Variants in HMBOX1 observed in about 807,000 individuals in gnomAD.
The protein encoded by HMBOX1 is homeobox containing 1.
Under a neutral mutation model 54.5 loss-of-function variants are expected in HMBOX1, and 14 were observed. The ratio of observed to expected loss-of-function variants is 0.26; its 90% confidence interval spans 0.17 to 0.40. The LOEUF (loss-of-function observed/expected upper bound fraction) is 0.40. HMBOX1 is among the 10% of genes least tolerant of loss of function. The pLI is 1.00. For synonymous variants in HMBOX1, 160 were observed against 181.0 expected (o/e 0.88, Z 0.93); for missense variants, 332 against 514.4 (o/e 0.65, Z 3.43).
At chr8:29,009,523 C>CTTTTTTTTT (rs10706846) in intron 5 of HMBOX1, 2 of 451,982 alleles carry the variant, frequency 4.4e-6, no homozygotes, top group East Asian at 2.5e-4. Context: ...TTCCGTATCT[C>CTTTTTTTTT]TTTTTTTTTT....
intron 6 of HMBOX1, among the ~76,000 whole-genome samples, chr8:29,023,416 T>C (rs541519652): frequency 6.6e-6 from 1 of 152,304 alleles, no homozygotes; most frequent in African/African-American, 2.4e-5. Context: ...CTCCCTTCCC[T>C]TTTTGAGACA....
rs143482024 is a variant in HMBOX1 at position 28,980,846 on chromosome 8, C to T, written c.586+690C>T. ...TTAAAAAAAGTAACTGGGCATTAGT[C>T]GTTAGAAGAACCGGACACTCTTTTC... On this transcript the variant is annotated intron_variant, in intron 4 of 9. Transcript: ENST00000287701. Among the ~76,000 whole-genome samples the T allele has an allele frequency of 1.5e-4, 23 of 152,120 alleles. No homozygotes were observed. In the East Asian group the frequency reaches 4.3e-3, roughly 28 times the overall value.
intron 1 of HMBOX1, among the ~76,000 whole-genome samples, chr8:28,897,524 A>G (rs973336552): frequency 6.6e-6 from 1 of 152,094 alleles, no homozygotes; most frequent in African/African-American, 2.4e-5. Flanking sequence ...AAAATACAAA[A>G]ATATAGCCGG....
chr8:28,949,172 T>C (rs898378246), intron 1 of HMBOX1, among the ~76,000 whole-genome samples: 3 of 152,238 alleles, frequency 2.0e-5, no homozygotes, highest in African/African-American at 7.2e-5. Context: ...TTATTTATGA[T>C]GATGATAGGA....
intron 1 of HMBOX1, among the ~76,000 whole-genome samples, chr8:28,956,620 A>G (rs547915215): frequency 1.3e-5 from 2 of 152,266 alleles, no homozygotes; most frequent in African/African-American, 4.8e-5. Context: ...ACATTGTGCC[A>G]TATGTGCTGT....
At chr8:28,951,745 C>G (rs566253807) in intron 1 of HMBOX1, among the ~76,000 whole-genome samples, 3 of 152,120 alleles carry the variant, frequency 2.0e-5, no homozygotes, top group African/African-American at 7.2e-5. Context: ...AAAATATAGG[C>G]CCAGAGAATT....
rs541321025 is a variant in HMBOX1 at position 28,894,119 on chromosome 8, A to G, written c.-58+3441A>G. On this transcript the variant is annotated intron_variant, in intron 1 of 9. Coordinates refer to ENST00000287701, the MANE Select transcript of HMBOX1 (RefSeq NM_001135726.3). ...TTTAGTTCTTTGGCTTCTGGAATTA[A>G]TTTTGTAGCTCACTTTGCTATTCTT... Among the ~76,000 whole-genome samples, 6 of 152,282 alleles carry G rather than the reference A, an allele frequency of 3.9e-5. No individual in the cohort carries two copies. In the East Asian group the frequency reaches 1.2e-3, roughly 29 times the overall value.
rs2133310793 is a variant in HMBOX1 at position 29,041,575 on chromosome 8, A to G, written c.852-3786A>G. ...ATACAAGATGAAAGATATGTAAGAG[A>G]GGAACAGATGAAGTGCGGTGGGATT... On this transcript the variant is annotated intron_variant, in intron 6 of 9. Transcript: ENST00000287701. 2.0e-5 allele frequency among the ~76,000 whole-genome samples: 3 copies of G among 152,270 alleles called. 1 individual carries two copies. The highest frequency in any genetic ancestry group is 7.2e-5 in the African/African-American group (3 of 41,538).
intron 1 of HMBOX1, among the ~76,000 whole-genome samples, chr8:28,943,675 T>C (rs1821874175): frequency 6.6e-6 from 1 of 152,180 alleles, no homozygotes. Flanking sequence ...GTTAACACTT[T>C]TCATAGAGAC....
chr8:29,013,815 T>C (rs1408874454), intron 5 of HMBOX1, among the ~76,000 whole-genome samples: 1 of 152,254 alleles, frequency 6.6e-6, no homozygotes, highest in East Asian at 1.9e-4. Context: ...CTTTTTCCCT[T>C]GTCTAATTTA....
At chr8:28,900,459 G>T (rs2131563039) in intron 1 of HMBOX1, among the ~76,000 whole-genome samples, 1 of 151,748 alleles carries the variant, frequency 6.6e-6, no homozygotes, top group East Asian at 1.9e-4. Flanking sequence ...GCTTTGTTCT[G>T]TGGAAGTCTC....
chr8:28,900,269 A>ATATATATATATATAT (rs1422463025), intron 1 of HMBOX1, among the ~76,000 whole-genome samples: 254 of 69,038 alleles, frequency 3.7e-3, no homozygotes, highest in Middle Eastern at 0.019. Context: ...AAAAAAAAAA[A>ATATATATATATATAT]AAATATATAT....
At chr8:28,925,608 AG>A (rs1453664404) in intron 1 of HMBOX1, among the ~76,000 whole-genome samples, 5 of 149,846 alleles carry the variant, frequency 3.3e-5, no homozygotes, top group Non-Finnish European at 4.4e-5. Context: ...TCAGAAATAC[AG>A]ACTCAGCCTT....
Position 29,045,592 on chromosome 8 carries a change from C to G in HMBOX1, c.934+149C>G, listed in dbSNP as rs1805459121. 3 of 622,706 alleles carry G rather than the reference C, an allele frequency of 4.8e-6. No individual in the cohort carries two copies. The East Asian group carries it at 8.1e-5, about 17-fold the overall frequency. The allele number at this position is 622,706 out of a possible 1,614,324, so 38.6% of individuals were successfully genotyped here. A position where few individuals can be genotyped will look rare whatever the true frequency, so the allele number is the denominator to read the frequency against. ...TTCCGCAGGTGGCCAGTGCCCTGTC[C>G]TGCTCACACAGTACTTCTGAGGGAT... On this transcript the variant is annotated intron_variant, in intron 7 of 9. Transcript: ENST00000287701.
chr8:29,021,152 G>A (rs1050428714), intron 6 of HMBOX1, among the ~76,000 whole-genome samples: 1 of 152,120 alleles, frequency 6.6e-6, no homozygotes, highest in Non-Finnish European at 1.5e-5. Flanking sequence ...CCCAACCTGG[G>A]CGACATAGTA....
intron 6 of HMBOX1, among the ~76,000 whole-genome samples, chr8:29,029,807 C>T (rs896943269): frequency 6.6e-5 from 10 of 152,178 alleles, no homozygotes; most frequent in Admixed American, 3.3e-4. Context: ...CATTTATTGA[C>T]GGTTGCTAAG....
intron 5 of HMBOX1, among the ~76,000 whole-genome samples, chr8:29,012,396 A>T (rs953486108): frequency 3.3e-5 from 5 of 152,214 alleles, no homozygotes; most frequent in Admixed American, 1.3e-4. Context: ...AATTAATGGC[A>T]CATCTGTACA....
At chr8:28,941,616 A>G (rs1821428534) in intron 1 of HMBOX1, among the ~76,000 whole-genome samples, 1 of 152,202 alleles carries the variant, frequency 6.6e-6, no homozygotes, top group Admixed American at 6.5e-5. Flanking sequence ...GTACTGCATA[A>G]CTAAGTGTGT....
chr8:28,977,915 G>T (rs188239355), intron 3 of HMBOX1, among the ~76,000 whole-genome samples: 14 of 150,930 alleles, frequency 9.3e-5, no homozygotes, highest in African/African-American at 2.7e-4. Flanking sequence ...CTGCACTCCA[G>T]CCTGGGCGAC....
Sources: gnomAD v4.1 joint callset for allele counts (sites outside exome capture counted in the v4.1 genomes callset) on GRCh38, gnomAD v4.1.1 for gene constraint, MANE v1.5 for transcripts, NCBI Gene and HGNC (gene_info 2026-07-23, HGNC 2026-07-21) for gene names.